RFX1: variants seen among roughly 807,000 people sequenced by gnomAD.
RFX1 encodes the protein regulatory factor X1, also known as MHC class II regulatory factor RFX1.
In RFX1, 42 loss-of-function variants were observed where a neutral mutation model predicts 119.6. The ratio of observed to expected loss-of-function variants is 0.35; its 90% CI spans 0.27 to 0.45. The LOEUF is 0.45. Ranked by LOEUF, RFX1 falls within the 20% of genes least tolerant of loss-of-function variation. The pLI is 1.00. For missense variants in RFX1, 1,118 were observed against 1,368.1 expected, an observed-to-expected ratio of 0.82 and a Z score of 2.88; for synonymous variants, 628 against 618.5, an observed-to-expected ratio of 1.02 and a Z score of -0.23.
At chr19:13,981,551 G>C (rs144869901) in intron 5 of RFX1, among the ~76,000 whole-genome samples, 6 of 152,138 alleles carry the variant, frequency 3.9e-5, no homozygotes. Flanking sequence ...AGCTGAGATC[G>C]CACCACTTCA....
chr19:13,966,338 G>T lies in RFX1; in HGVS notation c.1961+83C>A. 2 of 836,086 alleles carry T rather than the reference G, an allele frequency of 2.4e-6. No individual in the cohort carries two copies. The highest frequency in any genetic ancestry group is 1.5e-5 in the South Asian group (1 of 66,268). The allele number at this position is 836,086 out of a possible 1,614,324, so 51.8% of individuals were successfully genotyped here. On this transcript the variant is annotated intron_variant, in intron 14 of 20. Coordinates refer to ENST00000254325, the MANE Select transcript of RFX1 (RefSeq NM_002918.5). This position sits in a 1 kb window ranked among gnomAD's most constrained non-coding sequence, Gnocchi z 6.3. Reference sequence around the variant, plus strand: ...CACAAACTGCAGGGGACAAGCAGGTGCCCCAACCCTGGCCATCAAAATCAC... The same window carrying T: ...CACAAACTGCAGGGGACAAGCAGGTTCCCCAACCCTGGCCATCAAAATCAC...
chr19:14,002,921 T>C (rs978081301), intron 1 of RFX1, among the ~76,000 whole-genome samples: 2 of 152,126 alleles, frequency 1.3e-5, no homozygotes, highest in African/African-American at 4.8e-5. Context: ...AATGTCCACA[T>C]CCCCGCTCAC....
At chr19:13,983,762 G>A (rs1974513763) in intron 2 of RFX1, among the ~76,000 whole-genome samples, 167 bp from the exon 3 acceptor site, 1 of 152,212 alleles carries the variant, frequency 6.6e-6, no homozygotes, top group South Asian at 2.1e-4. Context: ...CCCATCAGGG[G>A]CCCACGTGGC....
rs1348793042 is a variant in RFX1 at position 13,968,800 on chromosome 19, C to A, written c.1591G>T (p.Gly531Cys). 1.9e-6 allele frequency: 3 copies of A among 1,576,936 alleles called. No homozygotes were observed. The highest frequency in any genetic ancestry group is 2.6e-6 in the Non-Finnish European group (3 of 1,161,378). ...MEDQQHMAMR[G>C]QPFSQKQRLK... The stretch of plus-strand genomic sequence containing the variant: ...CTCTGCTTCTGCGAGAAGGGCTGGC[C>A]CCGCATGGCCATGTGCTGCTGGTCC... Residue 531 changes from glycine to cysteine, a missense_variant, in exon 11 of 21, where the codon GGC (glycine) becomes TGC (cysteine). Around this residue, in one of 5 missense-constraint regions of RFX1, gnomAD observed 338 missense variants for 508.9 expected, o/e 0.66. Transcript: ENST00000254325. The surrounding 1 kb of genome is among the most constrained non-coding windows in gnomAD (Gnocchi z 5.5).
At chr19:13,975,946 T>G (rs1038510020) in intron 8 of RFX1, among the ~76,000 whole-genome samples, 16 of 152,168 alleles carry the variant, frequency 1.1e-4, no homozygotes, top group African/African-American at 3.6e-4. Flanking sequence ...ATAGCAACGA[T>G]GAACTAGGTG....
chr19:13,999,873 A>G lies in RFX1; in HGVS notation c.-52-5978T>C, dbSNP rs927270170. Among the ~76,000 whole-genome samples, 11 of 152,080 alleles carry G rather than the reference A, an allele frequency of 7.2e-5. No individual in the cohort carries two copies. The East Asian group carries it at 2.1e-3, about 29-fold the overall frequency. On this transcript the variant is annotated intron_variant, in intron 1 of 20. Transcript: ENST00000254325. ...GTATTTTTAGTACAGATGGGGTTTC[A>G]CCATGTTAGCCAGGCTGGTCTCGAA...
rs1343489849 is a variant in RFX1 at position 13,963,195 on chromosome 19, T to C, written c.2651A>G (p.Glu884Gly). 1 of 1,612,648 alleles carries C rather than the reference T, an allele frequency of 6.2e-7. No homozygotes were observed. The highest frequency in any genetic ancestry group is 8.5e-7 in the Non-Finnish European group (1 of 1,179,466). The change falls in exon 19 of 21, where the codon GAG (glutamate) becomes GGG (glycine). Residue 884 changes from glutamate (E) to glycine (G), a missense_variant. Coordinates refer to ENST00000254325, the MANE Select transcript of RFX1 (RefSeq NM_002918.5). ...GTGCTCGATCAGGTAGTACATGTAC[T>C]CGTCGTAGAGCAGCCGGATGAGGTG... ...SFHLIRLLYDEYMYYLIEHRV... is the reference protein window; with the variant it reads ...SFHLIRLLYDGYMYYLIEHRV...
At chr19:13,978,149 A>G in intron 7 of RFX1, 63 bp from the exon 8 acceptor site, 1 of 1,280,186 alleles carries the variant, frequency 7.8e-7, no homozygotes, top group South Asian at 1.3e-5. Context: ...TTCTCCCTCT[A>G]AAGGGCTGGT....
At chr19:13,981,313 G>C (rs767815140) in intron 5 of RFX1, among the ~76,000 whole-genome samples, 11 of 152,322 alleles carry the variant, frequency 7.2e-5, no homozygotes, top group Non-Finnish European at 1.3e-4. Flanking sequence ...AGGCTCAAAG[G>C]GGCCGGGCAT....
At chr19:13,994,525 G>A (rs1230573559) in intron 1 of RFX1, among the ~76,000 whole-genome samples, 1 of 151,998 alleles carries the variant, frequency 6.6e-6, no homozygotes, top group Non-Finnish European at 1.5e-5. Flanking sequence ...AGACCAGCCT[G>A]GCCAACATGG....
chr19:14,004,674 C>A (rs1000607191), intron 1 of RFX1, among the ~76,000 whole-genome samples: 1 of 152,148 alleles, frequency 6.6e-6, no homozygotes, highest in Non-Finnish European at 1.5e-5. Context: ...ACCCGCCAAC[C>A]CCCACCAGAC....
At position 13,965,377 on chromosome 19, in the gene RFX1, G is replaced by A. The variant is rs1335104000; in HGVS notation, c.2211+72C>T. 1.8e-5 allele frequency: 25 copies of A among 1,370,746 alleles called. 1 individual carries two copies. The highest frequency in any genetic ancestry group is 1.8e-4 in the Middle Eastern group (1 of 5,446). 84.9% of individuals were successfully genotyped at this position (1,370,746 alleles called of 1,614,324 possible). On this transcript the variant is annotated intron_variant, in intron 16 of 20. Transcript: ENST00000254325. This position sits in a 1 kb window ranked among gnomAD's most constrained non-coding sequence, Gnocchi z 4.7. Reference sequence around the variant, plus strand: ...AACAGGCGTGGGGACAAATTTTACCGCCCCTGGGGAGCAGAGGAGACGGAG... The same window carrying A: ...AACAGGCGTGGGGACAAATTTTACCACCCCTGGGGAGCAGAGGAGACGGAG...
At chr19:13,976,595 G>T (rs114951248) in intron 8 of RFX1, among the ~76,000 whole-genome samples, 2,056 of 152,284 alleles carry the variant, frequency 0.014, 43 homozygotes, top group African/African-American at 0.047. Context: ...CTGCACAGGG[G>T]TTATTACACA....
chr19:13,994,897 T>TAC (rs1301982673), intron 1 of RFX1, among the ~76,000 whole-genome samples: 1 of 22,998 alleles, frequency 4.3e-5, no homozygotes, highest in African/African-American at 3.0e-4. Flanking sequence ...TACATACATA[T>TAC]ATATATATAT....
intron 1 of RFX1, among the ~76,000 whole-genome samples, chr19:14,002,258 T>A (rs1012357319): frequency 2.8e-5 from 4 of 144,060 alleles, no homozygotes; most frequent in African/African-American, 7.8e-5. Context: ...GATGTTGCAG[T>A]GAGCCAAGAT....
rs1338811065 is a variant in RFX1, at chr19:13,983,276, G to A, written c.430-6C>T. 1.3e-6 allele frequency: 2 copies of A among 1,549,774 alleles called. No homozygotes were observed. The highest frequency in any genetic ancestry group is 3.8e-5 in the Admixed American group (2 of 52,246). On this transcript the variant is annotated splice_polypyrimidine_tract_variant and splice_region_variant and intron_variant, in intron 3 of 20. Coordinates refer to ENST00000254325, the MANE Select transcript of RFX1 (RefSeq NM_002918.5). ...CTCGTCTGGACCAGCAGCCGCTGTG[G>A]AGACAAGGCAGGAGGAGCTGAGCTG...
Position 13,962,679 on chromosome 19 carries a change from C to CGGGGGGGGGTGGGGGGGGGGGGGGGGGG in RFX1, c.*15_*16insCCCCCCCCCCCCCCCCCCACCCCCCCCC. On this transcript the variant is annotated 3_prime_UTR_variant, in exon 21 of 21. Coordinates refer to ENST00000254325, the MANE Select transcript of RFX1 (RefSeq NM_002918.5). ...GGAGGGGTGGCGGGGGCGGGTGGGG[C>CGGGGGGGGGTGGGGGGGGGGGGGGGGGG]GGGGAGGCCAAGGGCTTAGCTGGAG... 1 of 676,000 alleles carries CGGGGGGGGGTGGGGGGGGGGGGGGGGGG rather than the reference C, an allele frequency of 1.5e-6. No individual in the cohort carries two copies. Among genetic ancestry groups the CGGGGGGGGGTGGGGGGGGGGGGGGGGGG allele is most frequent in the Non-Finnish European group, 1.9e-6 (1 of 540,222 alleles). 41.9% of individuals were successfully genotyped at this position (676,000 alleles called of 1,614,324 possible).
chr19:13,965,392 A>G lies in RFX1; in HGVS notation c.2211+57T>C. 6.8e-7 allele frequency: 1 copy of G among 1,475,664 alleles called. No individual in the cohort carries two copies. The highest frequency in any genetic ancestry group is 9.4e-7 in the Non-Finnish European group (1 of 1,060,084). The allele number at this position is 1,475,664 out of a possible 1,614,324, so 91.4% of individuals were successfully genotyped here. On this transcript the variant is annotated intron_variant, in intron 16 of 20. Transcript: ENST00000254325. The surrounding 1 kb of genome is among the most constrained non-coding windows in gnomAD (Gnocchi z 4.7). Reference sequence around the variant, plus strand: ...AAATTTTACCGCCCCTGGGGAGCAGAGGAGACGGAGGCCTAAGCCCCAGAG... The same window carrying G: ...AAATTTTACCGCCCCTGGGGAGCAGGGGAGACGGAGGCCTAAGCCCCAGAG...
chr19:14,001,722 C>T (rs528242467), intron 1 of RFX1, among the ~76,000 whole-genome samples: 4 of 152,344 alleles, frequency 2.6e-5, no homozygotes, highest in Admixed American at 6.5e-5. Context: ...CAGGCAAGGC[C>T]GGGAGCAGTG....
Sources: gnomAD v4.1 joint callset for allele counts (sites outside exome capture counted in the v4.1 genomes callset) on GRCh38, gnomAD v4.1.1 for gene constraint, gnomAD v4.1.1 regional missense constraint, Gnocchi (gnomAD v3.1) non-coding constraint, MANE v1.5 for transcripts, NCBI Gene and HGNC (gene_info 2026-07-23, HGNC 2026-07-21) for gene names.